Variants in CPED1 observed in about 807,000 individuals in gnomAD.
CPED1 encodes cadherin like and PC-esterase domain containing 1, also known as cadherin-like and PC-esterase domain-containing protein 1.
CPED1 carries 114 observed loss-of-function variants against 128.2 expected under a neutral mutation model. The observed-to-expected ratio is 0.89, with a 90% CI of 0.76 to 1.04. CPED1 has a LOEUF of 1.04. Ranked by LOEUF, CPED1 falls within the 50% of genes least tolerant of loss-of-function variation. CPED1 has a pLI of 0.00. For synonymous variants in CPED1, 462 were observed against 426.7 expected, an observed-to-expected ratio of 1.08 and a Z score of -1.02; for missense variants, 1,211 against 1,207.1, an observed-to-expected ratio of 1.00 and a Z score of -0.05.
At chr7:121,235,095 T>C (rs1384327748) in intron 16 of CPED1, among the ~76,000 whole-genome samples, 84 of 152,082 alleles carry the variant, frequency 5.5e-4, no homozygotes, top group Non-Finnish European at 5.9e-5. Context: ...TAACATTTCA[T>C]ATAAAAATAT....
chr7:121,049,128 A>G (rs75813229), intron 4 of CPED1, among the ~76,000 whole-genome samples: 2,613 of 152,304 alleles, frequency 0.017, 61 homozygotes, highest in African/African-American at 0.059. Flanking sequence ...GAAGAATCAA[A>G]TGCCATACTC....
chr7:121,019,420 A>G (rs185737004), intron 3 of CPED1, among the ~76,000 whole-genome samples: 2 of 151,066 alleles, frequency 1.3e-5, no homozygotes, highest in Non-Finnish European at 3.0e-5. Context: ...GTTTTATCTC[A>G]TGCAGTAGCC....
intron 16 of CPED1, among the ~76,000 whole-genome samples, chr7:121,204,339 G>A (rs1797470510): frequency 6.6e-6 from 1 of 152,096 alleles, no homozygotes. Flanking sequence ...AAGGGATAGG[G>A]ATACTGAAGG....
chr7:120,994,625 CTGTGTGTGTG>C (rs35288728), intron 2 of CPED1, among the ~76,000 whole-genome samples: 1 of 144,654 alleles, frequency 6.9e-6, no homozygotes, highest in Admixed American at 6.9e-5. Context: ...ATTTGTTATA[CTGTGTGTGTG>C]TGTGTGTGTG....
chr7:121,063,429 G>A (rs936508037), intron 4 of CPED1, among the ~76,000 whole-genome samples: 4 of 139,540 alleles, frequency 2.9e-5, no homozygotes, highest in Admixed American at 7.4e-5. Flanking sequence ...TTAAGTGCCC[G>A]AAGCGAGCTA....
chr7:121,059,980 C>A (rs1156878066), intron 4 of CPED1, among the ~76,000 whole-genome samples: 1 of 152,182 alleles, frequency 6.6e-6, no homozygotes, highest in Admixed American at 6.5e-5. Flanking sequence ...GGGAGAGGCG[C>A]GAGCGGGAAC....
At chr7:121,111,309 T>G (rs1446227187) in intron 7 of CPED1, among the ~76,000 whole-genome samples, 1 of 152,170 alleles carries the variant, frequency 6.6e-6, no homozygotes, top group Non-Finnish European at 1.5e-5. Flanking sequence ...CTGTAACCCC[T>G]ATTTCCAACA....
intron 16 of CPED1, among the ~76,000 whole-genome samples, chr7:121,185,225 CA>C (rs1796976757): frequency 6.6e-6 from 1 of 152,006 alleles, no homozygotes; most frequent in Admixed American, 6.6e-5. Context: ...GTGGCACAGA[CA>C]AATATAAATA....
chr7:121,012,452 T>C (rs1585017068), intron 2 of CPED1, among the ~76,000 whole-genome samples: 1 of 152,200 alleles, frequency 6.6e-6, no homozygotes, highest in African/African-American at 2.4e-5. Flanking sequence ...GGTGGCCAGG[T>C]GAAATGTATT....
At chr7:121,048,931 G>C (rs1793281423) in intron 4 of CPED1, among the ~76,000 whole-genome samples, 1 of 152,120 alleles carries the variant, frequency 6.6e-6, no homozygotes, top group Admixed American at 6.5e-5. Flanking sequence ...CTGGTTTATT[G>C]CTAAATCTTG....
Position 121,130,304 on chromosome 7 carries a change from C to A in CPED1, c.1577+10C>A. 6.3e-7 allele frequency: 1 copy of A among 1,583,602 alleles called. No individual in the cohort carries two copies. The highest frequency in any genetic ancestry group is 2.3e-5 in the East Asian group (1 of 43,554). On this transcript the variant is annotated intron_variant, in intron 12 of 22. Transcript: ENST00000310396. ...CACATCCACTGGAATGGTAAGATAGCCACAAATTTGAATTGTACAATCCAA... is the reference window on the plus strand; with the variant it reads ...CACATCCACTGGAATGGTAAGATAGACACAAATTTGAATTGTACAATCCAA...
At chr7:121,038,948 C>T (rs908573087) in intron 3 of CPED1, among the ~76,000 whole-genome samples, 1 of 152,070 alleles carries the variant, frequency 6.6e-6, no homozygotes. Context: ...GCTCTGTTCA[C>T]GTTAACCTGA....
intron 5 of CPED1, among the ~76,000 whole-genome samples, chr7:121,076,111 A>G (rs1407055999): frequency 5.3e-5 from 8 of 152,140 alleles, no homozygotes; most frequent in Admixed American, 5.2e-4. Flanking sequence ...TTTGAATGAA[A>G]CATGCTAACC....
At chr7:120,993,288 T>C (rs184165360) in intron 2 of CPED1, among the ~76,000 whole-genome samples, 22 of 152,312 alleles carry the variant, frequency 1.4e-4, no homozygotes, top group African/African-American at 4.6e-4. Flanking sequence ...AAAATCTCCT[T>C]AATATATGCT....
At chr7:121,231,447 T>G (rs1033908012) in intron 16 of CPED1, among the ~76,000 whole-genome samples, 1 of 152,082 alleles carries the variant, frequency 6.6e-6, no homozygotes, top group Non-Finnish European at 1.5e-5. Context: ...TTAAGGAGAA[T>G]GATGAAGGTT....
chr7:121,203,327 A>G (rs1453691988), intron 16 of CPED1, among the ~76,000 whole-genome samples: 1 of 151,998 alleles, frequency 6.6e-6, no homozygotes. Context: ...TCCACCAATT[A>G]ATTATTCTTC....
intron 16 of CPED1, among the ~76,000 whole-genome samples, chr7:121,144,217 A>G (rs1430950629): frequency 6.6e-6 from 1 of 152,070 alleles, no homozygotes; most frequent in Non-Finnish European, 1.5e-5. Context: ...AAATCAGTAT[A>G]TTGAAAAGCT....
chr7:121,070,838 T>C (rs1793969191), intron 5 of CPED1, among the ~76,000 whole-genome samples: 1 of 152,142 alleles, frequency 6.6e-6, no homozygotes, highest in African/African-American at 2.4e-5. Flanking sequence ...CAGATTGATC[T>C]TCCTCCCACC....
At chr7:121,052,868 T>G (rs181955926) in intron 4 of CPED1, among the ~76,000 whole-genome samples, 10 of 152,214 alleles carry the variant, frequency 6.6e-5, no homozygotes, top group African/African-American at 2.4e-4. Flanking sequence ...ATTACAGGCA[T>G]GCATCACCAC....
Sources: gnomAD v4.1 joint callset for allele counts (sites outside exome capture counted in the v4.1 genomes callset) on GRCh38, gnomAD v4.1.1 for gene constraint, MANE v1.5 for transcripts, NCBI Gene and HGNC (gene_info 2026-07-23, HGNC 2026-07-21) for gene names.